UPRT: variants seen among roughly 807,000 people sequenced by gnomAD.
UPRT encodes uracil phosphoribosyltransferase homolog.
Under a neutral mutation model 22.6 loss-of-function variants are expected in UPRT, and 5 were observed. That is an observed-to-expected ratio of 0.22 (90% CI 0.12 to 0.47). The LOEUF is 0.47. Among genes scored for constraint, UPRT ranks in the 20% least tolerant of loss-of-function variants. The pLI, the probability that UPRT is intolerant of heterozygous loss-of-function variation, is 0.99. For missense variants in UPRT, 181 were observed against 239.9 expected (o/e 0.75, Z 1.62); for synonymous variants, 77 against 87.7 (o/e 0.88, Z 0.68).
intron 4 of UPRT, among the ~76,000 whole-genome samples, chrX:75,242,470 G>C (rs1235556624): frequency 9.0e-6 from 1 of 110,661 alleles, no homozygotes; most frequent in Non-Finnish European, 1.9e-5. Flanking sequence ...ATACTATCTA[G>C]TACAAACATA....
At chrX:75,175,481 G>C (rs995458505) in intron 4 of UPRT, among the ~76,000 whole-genome samples, 6 of 112,002 alleles carry the variant, frequency 5.4e-5, no homozygotes, top group Admixed American at 1.9e-4. Context: ...TTAACACTGA[G>C]AAGGCCGCAC....
intron 1 of UPRT, among the ~76,000 whole-genome samples, chrX:75,291,144 G>T (rs768224754): frequency 9.0e-6 from 1 of 111,439 alleles, no homozygotes; most frequent in South Asian, 3.8e-4. Flanking sequence ...GGTTAAATCT[G>T]CATCGCTAAA....
upstream of UPRT, among the ~76,000 whole-genome samples, chrX:75,269,159 C>G (rs1202576281): frequency 9.0e-6 from 1 of 111,425 alleles, no homozygotes; most frequent in African/African-American, 3.3e-5. Context: ...TTCACAATTG[C>G]TACAAAGAGA....
intron 4 of UPRT, among the ~76,000 whole-genome samples, chrX:75,242,689 T>A (rs971737664): frequency 9.0e-6 from 1 of 111,053 alleles, no homozygotes; most frequent in African/African-American, 3.3e-5. Context: ...CTAGGGTTGT[T>A]GGAAGGTTTA....
chrX:75,264,547 C>T (rs2082580329), intron 4 of UPRT, among the ~76,000 whole-genome samples: 1 of 111,139 alleles, frequency 9.0e-6, no homozygotes, highest in Non-Finnish European at 1.9e-5. Flanking sequence ...GATTGCAACC[C>T]CTTCCTTTTT....
chrX:75,255,068 C>A (rs1275775130), intron 4 of UPRT, among the ~76,000 whole-genome samples: 1 of 110,664 alleles, frequency 9.0e-6, no homozygotes, highest in Non-Finnish European at 1.9e-5. Context: ...AGCCACCGCG[C>A]CCGGCCAGGA....
At chrX:75,263,003 T>C (rs993161660) in intron 4 of UPRT, among the ~76,000 whole-genome samples, 12 of 111,435 alleles carry the variant, frequency 1.1e-4, no homozygotes, top group African/African-American at 3.9e-4. Flanking sequence ...AGAATATGCA[T>C]TCTTCTCTGC....
intron 4 of UPRT, among the ~76,000 whole-genome samples, chrX:75,195,342 A>G (rs2082329913): frequency 8.9e-6 from 1 of 112,501 alleles, no homozygotes; most frequent in Non-Finnish European, 1.9e-5. Flanking sequence ...CAGCAGAGCA[A>G]GGGGTGCTCA....
chrX:75,260,539 A>G (rs2082564513), intron 4 of UPRT, among the ~76,000 whole-genome samples: 1 of 112,676 alleles, frequency 8.9e-6, no homozygotes. Context: ...GATCAATTCA[A>G]TAAGAAGAGC....
intron 4 of UPRT, among the ~76,000 whole-genome samples, chrX:75,177,355 C>A (rs761833882): frequency 2.7e-5 from 3 of 111,779 alleles, no homozygotes; most frequent in Non-Finnish European, 5.6e-5. Context: ...ACATGGAGGA[C>A]CGAGGAAGGT....
chrX:75,186,924 G>A (rs2082294660), intron 4 of UPRT, among the ~76,000 whole-genome samples: 2 of 111,601 alleles, frequency 1.8e-5, no homozygotes, highest in African/African-American at 6.5e-5. Flanking sequence ...GTCTCTGCAT[G>A]TGAGATGGGT....
upstream of UPRT, among the ~76,000 whole-genome samples, chrX:75,272,350 A>ATATATGTGTATATATATATACG (rs2082613288): frequency 1.0e-4 from 9 of 86,241 alleles, 1 homozygote; most frequent in East Asian, 6.5e-4. Flanking sequence ...ATATACACAT[A>ATATATGTGTATATATATATACG]TATATATGTG....
chrX:75,192,966 G>A (rs995727128), intron 4 of UPRT, among the ~76,000 whole-genome samples: 1 of 111,716 alleles, frequency 9.0e-6, no homozygotes, highest in African/African-American at 3.3e-5. Flanking sequence ...TACATTCAAG[G>A]TTAGTACTAA....
At chrX:75,159,696 A>G (rs1197527570) in intron 1 of UPRT, among the ~76,000 whole-genome samples, 1 of 111,257 alleles carries the variant, frequency 9.0e-6, no homozygotes. Context: ...TGAAAATTAC[A>G]AAGAAAAACG....
chrX:75,272,292 ATATATGTGTATATATATGTG>A (rs1289220150), upstream of UPRT, among the ~76,000 whole-genome samples: 5 of 17,137 alleles, frequency 2.9e-4, no homozygotes, highest in Non-Finnish European at 6.5e-3. Flanking sequence ...ATATACACAT[ATATATGTGTATATATATGTG>A]TATATATACA....
At chrX:75,292,532 C>T (rs767566578) in intron 1 of UPRT, among the ~76,000 whole-genome samples, 1 of 111,555 alleles carries the variant, frequency 9.0e-6, no homozygotes, top group African/African-American at 3.3e-5. Context: ...TCAAATGCAA[C>T]TTGAGGCAAA....
At chrX:75,163,020 A>G (rs973265590) in intron 2 of UPRT, among the ~76,000 whole-genome samples, 5 of 112,171 alleles carry the variant, frequency 4.5e-5, no homozygotes, top group Non-Finnish European at 9.4e-5. Flanking sequence ...TCTCTGCTCC[A>G]GAGCTCACCA....
At chrX:75,189,287 C>T (rs1036631566) in intron 4 of UPRT, among the ~76,000 whole-genome samples, 19 of 111,698 alleles carry the variant, frequency 1.7e-4, no homozygotes, top group African/African-American at 4.2e-4. Flanking sequence ...TGTAGTTGAG[C>T]GGTTTTGAGT....
intron 4 of UPRT, among the ~76,000 whole-genome samples, chrX:75,211,146 A>T (rs1168895885): frequency 9.0e-6 from 1 of 110,894 alleles, no homozygotes; most frequent in African/African-American, 3.3e-5. Flanking sequence ...CTTGCCCCAT[A>T]CTGGTGGCTG....
Sources: gnomAD v4.1 joint callset for allele counts (sites outside exome capture counted in the v4.1 genomes callset) on GRCh38, gnomAD v4.1.1 for gene constraint, MANE v1.5 for transcripts, NCBI Gene and HGNC (gene_info 2026-07-23, HGNC 2026-07-21) for gene names.